The following AFF1 variants were observed in gnomAD, a reference collection of about 807,000 sequenced individuals.
AFF1 encodes ALF transcription elongation factor 1, also known as AF4/FMR2 family member 1.
AFF1 carries 48 observed loss-of-function variants against 121.7 expected under a neutral mutation model. The observed-to-expected ratio is 0.39, with a 90% CI of 0.31 to 0.50. The LOEUF is 0.50. Ranked by LOEUF, AFF1 falls within the 20% of genes least tolerant of loss-of-function variation. AFF1 has a pLI of 0.76. For missense variants in AFF1, 1,523 were observed against 1,511.7 expected (o/e 1.01, Z -0.12); for synonymous variants, 613 against 563.0 (o/e 1.09, Z -1.26).
At chr4:86,986,079 T>TTAATTTAATTTAATG (rs1553912999) in intron 2 of AFF1, among the ~76,000 whole-genome samples, 1 of 150,356 alleles carries the variant, frequency 6.7e-6, no homozygotes, top group Admixed American at 6.6e-5. Flanking sequence ...TTAATTTAAT[T>TTAATTTAATTTAATG]TAATGTAATT....
At chr4:87,040,661 C>T (rs1730042904) in intron 2 of AFF1, among the ~76,000 whole-genome samples, 1 of 151,766 alleles carries the variant, frequency 6.6e-6, no homozygotes. Context: ...CCTCTGCCTT[C>T]CAGGTTCAAA....
At chr4:87,081,909 T>TG (rs1723220412) in intron 4 of AFF1, among the ~76,000 whole-genome samples, 1 of 152,038 alleles carries the variant, frequency 6.6e-6, no homozygotes, top group African/African-American at 2.4e-5. Flanking sequence ...ACAAAACTCT[T>TG]GGGGAAAAAA....
At chr4:87,135,360 A>G (rs191948150) in intron 20 of AFF1, among the ~76,000 whole-genome samples, 1 of 152,212 alleles carries the variant, frequency 6.6e-6, no homozygotes, top group East Asian at 1.9e-4. Flanking sequence ...AGTGCCAGCC[A>G]TTGTGCTAAG....
At chr4:87,044,300 A>G (rs1018405979) in intron 2 of AFF1, among the ~76,000 whole-genome samples, 19 of 152,322 alleles carry the variant, frequency 1.2e-4, no homozygotes, top group Non-Finnish European at 2.5e-4. Context: ...GTAAGTTTGT[A>G]AAAATACGTA....
intron 2 of AFF1, among the ~76,000 whole-genome samples, chr4:86,966,877 T>C (rs1182780449): frequency 2.0e-5 from 3 of 152,228 alleles, no homozygotes; most frequent in Admixed American, 2.0e-4. Flanking sequence ...TCCTACACTT[T>C]AGAGTTTGAT....
intron 2 of AFF1, among the ~76,000 whole-genome samples, chr4:87,016,007 C>T (rs1293952192): frequency 2.6e-5 from 4 of 152,152 alleles, no homozygotes; most frequent in Admixed American, 6.5e-5. Context: ...ATGGTGAAAC[C>T]TCGTCTCTAC....
chr4:87,082,050 A>G (rs1233143781), intron 4 of AFF1, among the ~76,000 whole-genome samples: 3 of 152,186 alleles, frequency 2.0e-5, no homozygotes, highest in Admixed American at 1.3e-4. Flanking sequence ...ACAACGGACA[A>G]ATCTTTTCTG....
At chr4:87,133,760 C>A (rs1286886559) in intron 19 of AFF1, among the ~76,000 whole-genome samples, 1 of 152,224 alleles carries the variant, frequency 6.6e-6, no homozygotes, top group African/African-American at 2.4e-5. Flanking sequence ...GAACCATCAT[C>A]TTTCCATTTT....
intron 2 of AFF1, among the ~76,000 whole-genome samples, chr4:86,985,784 G>T (rs1402683584): frequency 6.6e-6 from 1 of 151,624 alleles, no homozygotes; most frequent in East Asian, 1.9e-4. Flanking sequence ...AATAATAAAA[G>T]AATCAAGCAT....
intron 1 of AFF1, among the ~76,000 whole-genome samples, chr4:86,943,845 C>T (rs1337337784): frequency 6.6e-6 from 1 of 151,920 alleles, no homozygotes. Flanking sequence ...GCCTGTAATC[C>T]CAGCTACTCG....
intron 2 of AFF1, among the ~76,000 whole-genome samples, chr4:86,974,385 G>A: frequency 6.6e-6 from 1 of 152,116 alleles, no homozygotes; most frequent in Non-Finnish European, 1.5e-5. Context: ...CCTGACCTCA[G>A]GATGCGCCTG....
chr4:87,074,164 A>G (rs532853681), intron 4 of AFF1, among the ~76,000 whole-genome samples: 1 of 152,316 alleles, frequency 6.6e-6, no homozygotes, highest in South Asian at 2.1e-4. Flanking sequence ...AATTCTTCCG[A>G]AAAACACTCT....
At chr4:86,971,310 A>G (rs575593747) in intron 2 of AFF1, among the ~76,000 whole-genome samples, 2 of 152,128 alleles carry the variant, frequency 1.3e-5, no homozygotes, top group Non-Finnish European at 2.9e-5. Flanking sequence ...ATAACATGTT[A>G]TTTTTAATAG....
intron 2 of AFF1, among the ~76,000 whole-genome samples, chr4:86,970,580 C>G (rs1407476323): frequency 1.3e-5 from 2 of 152,132 alleles, no homozygotes; most frequent in African/African-American, 4.8e-5. Flanking sequence ...AGTTTCCATC[C>G]TAGTGTGTAT....
In AFF1 at chr4:87,140,715, G is replaced by A. The variant is rs1729648803; in HGVS notation, c.*5014G>A. 1 of 191,048 alleles carries A rather than the reference G, an allele frequency of 5.2e-6. No individual in the cohort carries two copies. The highest frequency in any genetic ancestry group is 1.1e-5 in the Non-Finnish European group (1 of 90,944). The allele number at this position is 191,048 out of a possible 1,614,324, so 11.8% of individuals were successfully genotyped here. On this transcript the variant is annotated 3_prime_UTR_variant, in exon 21 of 21. Transcript: ENST00000395146. ...AGTGATGCTCTCAATGGGAAGATGT[G>A]CAACACAAATTAAGGGGAACTCCAT...
chr4:87,102,637 C>G (rs1248860457), intron 8 of AFF1, among the ~76,000 whole-genome samples: 2 of 152,124 alleles, frequency 1.3e-5, no homozygotes, highest in African/African-American at 4.8e-5. Context: ...CCTATTCATT[C>G]AGCCTGCTGT....
chr4:87,017,325 C>G (rs950028223), intron 2 of AFF1, among the ~76,000 whole-genome samples: 2 of 151,962 alleles, frequency 1.3e-5, no homozygotes, highest in African/African-American at 4.8e-5. Flanking sequence ...ATCAATTTTG[C>G]ATTTGATTAT....
At position 87,012,217 on chromosome 4, in the gene AFF1, C is replaced by CTTTTTTT. The variant is rs68156863; in HGVS notation, c.39-33947_39-33946insTTTTTTT. Among the ~76,000 whole-genome samples, 518 of 115,012 alleles carry CTTTTTTT rather than the reference C, an allele frequency of 4.5e-3. 3 individuals carry two copies. Among genetic ancestry groups the CTTTTTTT allele is most frequent in the East Asian group, 5.4e-3 (20 of 3,712 alleles). The allele number at this position is 115,012 out of a possible 152,430, so 75.5% of individuals were successfully genotyped here. A position where few individuals can be genotyped will look rare whatever the true frequency, so the allele number is the denominator to read the frequency against. ...GTTAGCAAACTTCTCCATTTCATTT[C>CTTTTTTT]TTGTTTTTTTTTTTTTTTGTATAAC... On this transcript the variant is annotated intron_variant, in intron 2 of 20. Coordinates refer to ENST00000395146, the MANE Select transcript of AFF1 (RefSeq NM_001166693.3).
At chr4:86,971,499 CAGT>C (rs1294477937) in intron 2 of AFF1, among the ~76,000 whole-genome samples, 1 of 152,174 alleles carries the variant, frequency 6.6e-6, no homozygotes, top group Admixed American at 6.5e-5. Flanking sequence ...ATGAATTAAG[CAGT>C]AGTTTAGCTT....
Sources: gnomAD v4.1 joint callset for allele counts (sites outside exome capture counted in the v4.1 genomes callset) on GRCh38, gnomAD v4.1.1 for gene constraint, MANE v1.5 for transcripts, NCBI Gene and HGNC (gene_info 2026-07-23, HGNC 2026-07-21) for gene names.